The following CDH7 variants were observed in gnomAD, a reference collection of about 807,000 sequenced individuals.
CDH7 encodes the protein cadherin-7.
A neutral mutation model predicts 71.8 loss-of-function variants in CDH7; 25 were observed. The ratio of observed to expected loss-of-function variants is 0.35; its 90% CI spans 0.25 to 0.49. CDH7 has a LOEUF of 0.49. Ranked by LOEUF, CDH7 falls within the 20% of genes least tolerant of loss-of-function variation. The probability of loss-of-function intolerance (pLI) is 0.99; values close to 1 mark genes in which losing one functional copy is unlikely to be tolerated. For missense variants in CDH7, 862 were observed against 974.6 expected (o/e 0.88, Z 1.54); for synonymous variants, 381 against 363.8 (o/e 1.05, Z -0.54).
At chr18:65,825,459 A>G (rs1490593631) in intron 6 of CDH7, among the ~76,000 whole-genome samples, 2 of 151,890 alleles carry the variant, frequency 1.3e-5, no homozygotes, top group African/African-American at 4.8e-5. Flanking sequence ...CAACACAGTT[A>G]TGGGAGAAAA....
chr18:65,796,421 A>T (rs767242455), intron 2 of CDH7, among the ~76,000 whole-genome samples: 3 of 152,180 alleles, frequency 2.0e-5, no homozygotes, highest in Non-Finnish European at 4.4e-5. Context: ...AATTATTTTA[A>T]AATAAGGCAA....
At chr18:65,848,093 T>G (rs936997108) in intron 7 of CDH7, among the ~76,000 whole-genome samples, 1 of 152,100 alleles carries the variant, frequency 6.6e-6, no homozygotes, top group Non-Finnish European at 1.5e-5. Flanking sequence ...ATATCGGGCT[T>G]TATCTATTGA....
At chr18:65,753,714 G>C (rs1443352772) in intron 1 of CDH7, among the ~76,000 whole-genome samples, 1 of 152,288 alleles carries the variant, frequency 6.6e-6, no homozygotes, top group East Asian at 1.9e-4. Flanking sequence ...AAGCAGAGCA[G>C]ATCTAGCTGT....
In CDH7 at chr18:65,868,060, G is replaced by A. The variant is rs1913818665; in HGVS notation, c.1864+5143G>A. On this transcript the variant is annotated intron_variant, in intron 11 of 11. Coordinates refer to ENST00000397968, the MANE Select transcript of CDH7 (RefSeq NM_004361.5). ...ATGATAGTGAACATCACTGAAGATTGTGGAGAAAAAAAGTGGCAGCACTAT... is the reference window on the plus strand; with the variant it reads ...ATGATAGTGAACATCACTGAAGATTATGGAGAAAAAAAGTGGCAGCACTAT... Among the ~76,000 whole-genome samples the A allele has an allele frequency of 1.1e-4, 4 of 36,774 alleles. No homozygotes were observed. In the South Asian group the frequency reaches 3.0e-3, roughly 28 times the overall value. 24.1% of individuals were successfully genotyped at this position (36,774 alleles called of 152,430 possible). A position where few individuals can be genotyped will look rare whatever the true frequency, so the allele number is the denominator to read the frequency against.
At chr18:65,877,333 A>G (rs1222132342) in intron 11 of CDH7, among the ~76,000 whole-genome samples, 1 of 152,120 alleles carries the variant, frequency 6.6e-6, no homozygotes, top group East Asian at 1.9e-4. Context: ...CCTGAGAATC[A>G]GAAGTCAAGT....
chr18:65,800,118 C>T (rs187341493), intron 2 of CDH7, among the ~76,000 whole-genome samples: 76 of 152,186 alleles, frequency 5.0e-4, no homozygotes, highest in Admixed American at 7.9e-4. Flanking sequence ...CTTATTCTGT[C>T]GCCCAGGCTG....
chr18:65,858,786 T>C (rs1164277976), intron 8 of CDH7, 139 bp from the exon 9 acceptor site: 2 of 674,484 alleles, frequency 3.0e-6, no homozygotes, highest in Non-Finnish European at 5.0e-6. Context: ...TTGGATCATA[T>C]TTTCGTATTT....
intron 6 of CDH7, among the ~76,000 whole-genome samples, chr18:65,842,401 T>C (rs1223274221): frequency 6.6e-6 from 1 of 151,954 alleles, no homozygotes; most frequent in African/African-American, 2.4e-5. Flanking sequence ...TATATGTGTA[T>C]ATTTTCCTTT....
chr18:65,820,295 A>G, intron 4 of CDH7, among the ~76,000 whole-genome samples: 1 of 151,464 alleles, frequency 6.6e-6, no homozygotes, highest in East Asian at 2.0e-4. Flanking sequence ...GCTAAGCCTA[A>G]GTGACTTAAA....
chr18:65,773,952 TA>T (rs1356333532), intron 2 of CDH7, among the ~76,000 whole-genome samples: 16 of 151,852 alleles, frequency 1.1e-4, no homozygotes, highest in South Asian at 4.2e-4. Context: ...AATGAACACT[TA>T]AAAAAAATGA....
At position 65,889,845 on chromosome 18, in the gene CDH7, A is replaced by G. The variant is rs1168301974; in HGVS notation, c.*8951A>G. ...AAAAAAGATAATCTGCAAGAACATA[A>G]GGGACAAGGATAAAATACGGAGTTT... is the stretch of plus-strand genomic sequence containing the variant. On this transcript the variant is annotated 3_prime_UTR_variant, in exon 12 of 12. Coordinates refer to ENST00000397968, the MANE Select transcript of CDH7 (RefSeq NM_004361.5). 6.6e-6 allele frequency: 1 copy of G among 152,226 alleles called. No homozygotes were observed. The highest frequency in any genetic ancestry group is 1.5e-5 in the Non-Finnish European group (1 of 68,036). 9.4% of individuals were successfully genotyped at this position (152,226 alleles called of 1,614,324 possible).
intron 11 of CDH7, among the ~76,000 whole-genome samples, chr18:65,875,691 C>T (rs916095474): frequency 1.3e-5 from 2 of 152,116 alleles, no homozygotes; most frequent in African/African-American, 2.4e-5. Flanking sequence ...AGCTCAAGAC[C>T]AGCCTGGGCA....
intron 7 of CDH7, among the ~76,000 whole-genome samples, chr18:65,854,756 A>C (rs957629025): frequency 6.6e-6 from 1 of 152,142 alleles, no homozygotes; most frequent in Non-Finnish European, 1.5e-5. Flanking sequence ...TATTGGCTTA[A>C]TTGATGCATG....
intron 7 of CDH7, among the ~76,000 whole-genome samples, chr18:65,853,774 T>C (rs968814372): frequency 6.6e-6 from 1 of 151,534 alleles, no homozygotes; most frequent in Admixed American, 6.6e-5. Context: ...TTTATTATTT[T>C]CGTTGCAATA....
In CDH7 at chr18:65,824,676, C is replaced by T. The variant is rs1462555344; in HGVS notation, c.826C>T (p.Pro276Ser). The T allele has an allele frequency of 6.2e-7, 1 of 1,609,852 alleles. No homozygotes were observed. Among genetic ancestry groups the T allele is most frequent in the Admixed American group, 1.7e-5 (1 of 59,812 alleles). Residue 276 changes from proline (P) to serine (S), a missense_variant, in exon 6 of 12, where the codon CCT becomes TCT. Pro to Ser is a moderately conservative substitution (Grantham distance 74, BLOSUM62 -1). Coordinates refer to ENST00000397968, the MANE Select transcript of CDH7 (RefSeq NM_004361.5). ...SYQYNVPESL[P>S]VASVVARIKA... ...TCAATATAACGTCCCAGAGTCATTACCTGTAGCCTCAGTTGTGGCCAGAAT... is the reference window on the plus strand; with the variant it reads ...TCAATATAACGTCCCAGAGTCATTATCTGTAGCCTCAGTTGTGGCCAGAAT...
intron 4 of CDH7, among the ~76,000 whole-genome samples, chr18:65,821,065 C>G (rs918212098): frequency 4.0e-5 from 6 of 151,412 alleles, no homozygotes; most frequent in Non-Finnish European, 7.4e-5. Context: ...ATAAGCAATG[C>G]TCAATTTTTA....
At chr18:65,824,234 T>C (rs1545902) in intron 5 of CDH7, among the ~76,000 whole-genome samples, 144,111 of 151,642 alleles carry the variant, frequency 0.95, 68,859 homozygotes, top group East Asian at 1. Flanking sequence ...CTTGTATTTG[T>C]CCATTTCAAG....
intron 11 of CDH7, among the ~76,000 whole-genome samples, chr18:65,870,005 ATG>A (rs1209041012): frequency 1.3e-5 from 2 of 152,172 alleles, no homozygotes; most frequent in Admixed American, 1.3e-4. Context: ...AGAAAAATTG[ATG>A]TGTCACAGAT....
intron 2 of CDH7, among the ~76,000 whole-genome samples, chr18:65,781,811 CTTCCTTCCTTCTTTCTTTCTTTCTTTCT>C (rs1568181464): frequency 1.4e-4 from 9 of 64,054 alleles, no homozygotes; most frequent in African/African-American, 8.6e-4. Flanking sequence ...TCCTTCCTTC[CTTCCTTCCTTCTTTCTTTCTTTCTTTCT>C]TTCTTTCTTT....
Sources: gnomAD v4.1 joint callset for allele counts (sites outside exome capture counted in the v4.1 genomes callset) on GRCh38, gnomAD v4.1.1 for gene constraint, MANE v1.5 for transcripts, NCBI Gene and HGNC (gene_info 2026-07-23, HGNC 2026-07-21) for gene names.